Variants in HYAL4 observed in about 807,000 individuals in gnomAD.
The protein encoded by HYAL4 is hyaluronidase 4.
Under a neutral mutation model 35.2 loss-of-function variants are expected in HYAL4, and 37 were observed. The observed-to-expected ratio is 1.05, with a 90% confidence interval of 0.81 to 1.38. The LOEUF is 1.38. Among genes scored for constraint, HYAL4 ranks in the 40% most tolerant of loss-of-function variants. The probability of loss-of-function intolerance (pLI) is 0.00; values close to 1 mark genes in which losing one functional copy is unlikely to be tolerated. For missense variants in HYAL4, 572 were observed against 572.4 expected, an observed-to-expected ratio of 1.00 and a Z score of 0.01; for synonymous variants, 198 against 203.2, an observed-to-expected ratio of 0.97 and a Z score of 0.22.
At chr7:123,837,553 T>C (rs2116912056) in intron 1 of HYAL4, among the ~76,000 whole-genome samples, 1 of 152,232 alleles carries the variant, frequency 6.6e-6, no homozygotes, top group Non-Finnish European at 1.5e-5. Flanking sequence ...TACTTTAAGT[T>C]TTAGGGTACA....
chr7:123,806,466 G>A, the HYAL4 span, among the ~76,000 whole-genome samples: 1,873 of 151,474 alleles, frequency 0.012, 32 homozygotes, highest in African/African-American at 0.043. Context: ...TTTTTGGGAC[G>A]GAGTTTCACT....
intron 3 of HYAL4, among the ~76,000 whole-genome samples, chr7:123,870,771 AAAAG>A (rs1205093348): frequency 4.5e-4 from 69 of 152,130 alleles, no homozygotes; most frequent in African/African-American, 1.2e-3. Flanking sequence ...AAAAAAAAAA[AAAAG>A]AAAGAAAGTT....
intron 1 of HYAL4, among the ~76,000 whole-genome samples, chr7:123,832,443 CT>C (rs1226770095): frequency 7.0e-6 from 1 of 143,576 alleles, no homozygotes; most frequent in Non-Finnish European, 1.5e-5. Context: ...CCTTTTCACC[CT>C]TTCCCCCTGA....
chr7:123,854,473 T>C (rs563153905), intron 2 of HYAL4, among the ~76,000 whole-genome samples: 49 of 152,220 alleles, frequency 3.2e-4, no homozygotes, highest in Non-Finnish European at 6.6e-4. Flanking sequence ...TTCATTTCAT[T>C]ATTTACCCAG....
the HYAL4 span, among the ~76,000 whole-genome samples, chr7:123,771,709 A>G: frequency 1.3e-5 from 2 of 151,838 alleles, no homozygotes; most frequent in African/African-American, 4.8e-5. Context: ...CAGGGTGCCT[A>G]GGTTAAACAT....
chr7:123,835,265 T>G (rs1167115222), intron 1 of HYAL4, among the ~76,000 whole-genome samples: 2 of 152,176 alleles, frequency 1.3e-5, no homozygotes, highest in African/African-American at 4.8e-5. Flanking sequence ...CTGTTTGTTA[T>G]TGGTCTGTTC....
At chr7:123,872,482 G>A (rs1250014447) in intron 3 of HYAL4, among the ~76,000 whole-genome samples, 2 of 152,194 alleles carry the variant, frequency 1.3e-5, no homozygotes, top group Admixed American at 6.5e-5. Context: ...TTTGATAAGC[G>A]TCAGGGACTG....
At chr7:123,815,654 A>G in the HYAL4 span, among the ~76,000 whole-genome samples, 3 of 152,226 alleles carry the variant, frequency 2.0e-5, no homozygotes, top group East Asian at 1.9e-4. Context: ...TTAGAAGATA[A>G]TAAGTTTGAA....
chr7:123,774,451 G>A, the HYAL4 span, among the ~76,000 whole-genome samples: 6 of 148,406 alleles, frequency 4.0e-5, no homozygotes, highest in African/African-American at 1.5e-4. Context: ...TTTTTTTCCT[G>A]TGAAATCTGT....
chr7:123,764,551 T>G, the HYAL4 span, among the ~76,000 whole-genome samples: 3 of 152,206 alleles, frequency 2.0e-5, no homozygotes, highest in African/African-American at 7.2e-5. Flanking sequence ...AGTAAGAATT[T>G]GTTGACTAAT....
At position 123,868,327 on chromosome 7, in the gene HYAL4, T is replaced by C; in HGVS notation, c.54T>C (p.His18=). The C allele has an allele frequency of 1.3e-6, 2 of 1,592,906 alleles. No homozygotes were observed. Among genetic ancestry groups the C allele is most frequent in the Non-Finnish European group, 1.7e-6 (2 of 1,174,202 alleles). The part of the protein sequence containing the change: ...QLKLCVVQPV[H]LTSWLLIFFI... ...AGCTTTGTGTTGTTCAACCAGTACA[T>C]CTCACTTCATGGCTCCTTATATTTT... Residue 18 remains histidine (H), a synonymous_variant, in exon 3 of 5, where the codon CAT becomes CAC. Coordinates refer to ENST00000223026, the MANE Select transcript of HYAL4 (RefSeq NM_012269.3).
rs71163703 is a variant in HYAL4, at chr7:123,832,479, C to CTTTTTTTTTTTTTTTTTTTTT, written c.-257+3373_-257+3393dup. On this transcript the variant is annotated intron_variant, in intron 1 of 4. Transcript: ENST00000489978. ...AGTCCCCAAAGTCTATTGTGTCATA[C>CTTTTTTTTTTTTTTTTTTTTT]TTTTTTTTTTTTTTTTTTTTTTTTT... is the stretch of plus-strand genomic sequence containing the variant. Among the ~76,000 whole-genome samples, 7 of 21,842 alleles carry CTTTTTTTTTTTTTTTTTTTTT rather than the reference C, an allele frequency of 3.2e-4. 2 individuals are homozygous for CTTTTTTTTTTTTTTTTTTTTT. The highest frequency in any genetic ancestry group is 1.5e-3 in the Admixed American group (2 of 1,316). The allele number at this position is 21,842 out of a possible 152,430, so 14.3% of individuals were successfully genotyped here.
At chr7:123,810,010 A>G in the HYAL4 span, among the ~76,000 whole-genome samples, 2 of 152,370 alleles carry the variant, frequency 1.3e-5, no homozygotes, top group Admixed American at 6.5e-5. Context: ...TTAGGTTTAT[A>G]AAATTAAATT....
chr7:123,786,965 G>A, the HYAL4 span, among the ~76,000 whole-genome samples: 3 of 151,704 alleles, frequency 2.0e-5, no homozygotes, highest in African/African-American at 4.8e-5. Flanking sequence ...AAAATTAGCC[G>A]GGCATGGTGG....
the HYAL4 span, among the ~76,000 whole-genome samples, chr7:123,781,552 G>A: frequency 9.4e-5 from 14 of 149,720 alleles, no homozygotes; most frequent in Admixed American, 2.0e-4. Flanking sequence ...CAAATCTCTC[G>A]TCCCACCTTA....
chr7:123,795,696 T>C, the HYAL4 span, among the ~76,000 whole-genome samples: 5 of 152,346 alleles, frequency 3.3e-5, no homozygotes, highest in African/African-American at 9.6e-5. Flanking sequence ...CTTAAGTCAA[T>C]TGAACCTCTT....
At chr7:123,799,381 A>G in the HYAL4 span, among the ~76,000 whole-genome samples, 1 of 151,500 alleles carries the variant, frequency 6.6e-6, no homozygotes, top group Non-Finnish European at 1.5e-5. Flanking sequence ...ATCTTTTTGA[A>G]AATATAATAC....
chr7:123,792,090 C>T, the HYAL4 span, among the ~76,000 whole-genome samples: 1 of 152,140 alleles, frequency 6.6e-6, no homozygotes. Flanking sequence ...GACAAGGGAA[C>T]TCTAGACCTC....
At chr7:123,790,710 A>T in the HYAL4 span, 1 of 151,396 alleles carries the variant, frequency 6.6e-6, no homozygotes, top group African/African-American at 2.4e-5. Flanking sequence ...CGAAGCGAGC[A>T]CCAAAGACAT....
Sources: allele counts gnomAD v4.1 joint callset (sites outside exome capture counted in the v4.1 genomes callset), GRCh38; gene constraint gnomAD v4.1.1; transcripts MANE v1.5; gene names NCBI Gene and HGNC (gene_info 2026-07-23, HGNC 2026-07-21).